Variants in LRMDA observed in about 807,000 individuals in gnomAD.
The protein encoded by LRMDA is leucine rich melanocyte differentiation associated.
A neutral mutation model predicts 29.8 loss-of-function variants in LRMDA; 18 were observed. That is an observed-to-expected ratio of 0.60 (90% CI 0.42 to 0.90). The LOEUF (loss-of-function observed/expected upper bound fraction) is 0.90, where lower values mean the gene tolerates loss of function less well. Ranked by LOEUF, LRMDA falls within the 40% of genes least tolerant of loss-of-function variation. The pLI, the probability that LRMDA is intolerant of heterozygous loss-of-function variation, is 0.00. For synonymous variants in LRMDA, 125 were observed against 109.4 expected (o/e 1.14, Z -0.89); for missense variants, 273 against 273.9 (o/e 1.00, Z 0.02).
At chr10:76,451,535 A>G (rs1842406643) in intron 6 of LRMDA, among the ~76,000 whole-genome samples, 1 of 150,662 alleles carries the variant, frequency 6.6e-6, no homozygotes. Context: ...ACTTTTATTG[A>G]CAGCTGGATA....
intron 6 of LRMDA, among the ~76,000 whole-genome samples, chr10:76,555,979 T>A (rs1843552266): frequency 6.6e-6 from 1 of 152,164 alleles, no homozygotes; most frequent in Non-Finnish European, 1.5e-5. Context: ...TCTGTCCAAC[T>A]GAATTTAAAA....
chr10:75,441,717 A>G (rs928688544), intron 2 of LRMDA, among the ~76,000 whole-genome samples: 3 of 152,166 alleles, frequency 2.0e-5, no homozygotes. Context: ...TATATATAAA[A>G]AAATTAACCC....
chr10:76,399,283 G>GA (rs1393834286), intron 6 of LRMDA, among the ~76,000 whole-genome samples: 1 of 152,136 alleles, frequency 6.6e-6, no homozygotes, highest in Admixed American at 6.5e-5. Context: ...TCTGTCTCTG[G>GA]AAAAATCCTG....
chr10:76,252,548 T>C (rs1208814649), intron 5 of LRMDA, among the ~76,000 whole-genome samples: 1 of 152,228 alleles, frequency 6.6e-6, no homozygotes, highest in Non-Finnish European at 1.5e-5. Context: ...AAGAGACATA[T>C]TCAAGAGCAA....
At chr10:75,839,585 C>T (rs1844499047) in intron 2 of LRMDA, among the ~76,000 whole-genome samples, 1 of 151,204 alleles carries the variant, frequency 6.6e-6, no homozygotes, top group African/African-American at 2.4e-5. Flanking sequence ...CTCTAACTGC[C>T]TCATCACTCT....
intron 2 of LRMDA, among the ~76,000 whole-genome samples, chr10:76,004,129 A>G (rs746726876): frequency 1.3e-5 from 2 of 152,280 alleles, no homozygotes; most frequent in African/African-American, 2.4e-5. Context: ...AGTTCACACC[A>G]TAAGTTACTA....
intron 2 of LRMDA, among the ~76,000 whole-genome samples, chr10:75,792,002 G>A (rs1382351476): frequency 2.0e-5 from 3 of 151,812 alleles, no homozygotes; most frequent in Middle Eastern, 3.4e-3. Flanking sequence ...TGGGACTGCA[G>A]GTGCCCGCCA....
At chr10:75,819,611 C>T (rs1564576805) in intron 2 of LRMDA, among the ~76,000 whole-genome samples, 1 of 152,140 alleles carries the variant, frequency 6.6e-6, no homozygotes, top group African/African-American at 2.4e-5. Flanking sequence ...AATTTTCATA[C>T]TCCAGTGAAA....
intron 2 of LRMDA, among the ~76,000 whole-genome samples, chr10:75,607,496 G>T (rs550012586): frequency 2.6e-5 from 4 of 152,132 alleles, no homozygotes; most frequent in African/African-American, 7.2e-5. Context: ...ATTGATACAG[G>T]TGATAATTTT....
intron 6 of LRMDA, among the ~76,000 whole-genome samples, chr10:76,437,014 GC>G (rs1178624741): frequency 6.6e-6 from 1 of 152,118 alleles, no homozygotes; most frequent in Non-Finnish European, 1.5e-5. Flanking sequence ...GGTGTGCAGA[GC>G]TTTTGGTTCC....
intron 2 of LRMDA, among the ~76,000 whole-genome samples, chr10:75,916,164 A>ATGTGTGTGTGTG (rs34666507): frequency 2.3e-4 from 29 of 124,414 alleles, no homozygotes; most frequent in South Asian, 4.8e-4. Context: ...TGCCAGGCCT[A>ATGTGTGTGTGTG]TGTGTGTGTG....
At chr10:75,938,908 A>G (rs1002614237) in intron 2 of LRMDA, among the ~76,000 whole-genome samples, 3 of 152,322 alleles carry the variant, frequency 2.0e-5, no homozygotes, top group African/African-American at 7.2e-5. Context: ...ACAAGAAGCA[A>G]TCCTAACAAA....
At chr10:75,539,109 T>A (rs1184401417) in intron 2 of LRMDA, among the ~76,000 whole-genome samples, 1 of 152,210 alleles carries the variant, frequency 6.6e-6, no homozygotes, top group Non-Finnish European at 1.5e-5. Flanking sequence ...AGGACTTGTG[T>A]CCAACAATGT....
intron 6 of LRMDA, among the ~76,000 whole-genome samples, chr10:76,542,095 G>T (rs1843364413): frequency 1.3e-5 from 2 of 151,892 alleles, no homozygotes; most frequent in African/African-American, 4.8e-5. Context: ...AGGCATGAGT[G>T]AGGCCTCCCC....
chr10:75,891,026 A>G (rs1378017187), intron 2 of LRMDA, among the ~76,000 whole-genome samples: 1 of 152,002 alleles, frequency 6.6e-6, no homozygotes, highest in Non-Finnish European at 1.5e-5. Flanking sequence ...ATTGCCTTGA[A>G]CTGGGGAGGC....
intron 5 of LRMDA, among the ~76,000 whole-genome samples, chr10:76,069,815 C>G (rs2132067240): frequency 6.6e-6 from 1 of 152,184 alleles, no homozygotes; most frequent in East Asian, 1.9e-4. Context: ...ACAGCCTTTA[C>G]TTTTGTTCTT....
At chr10:76,263,574 T>C (rs976450319) in intron 5 of LRMDA, among the ~76,000 whole-genome samples, 3 of 152,178 alleles carry the variant, frequency 2.0e-5, no homozygotes, top group Admixed American at 2.0e-4. Context: ...AGTTACGAAG[T>C]TTTGTCCCCT....
intron 2 of LRMDA, among the ~76,000 whole-genome samples, chr10:75,564,417 T>C (rs1245693121): frequency 6.6e-6 from 1 of 152,174 alleles, no homozygotes; most frequent in African/African-American, 2.4e-5. Flanking sequence ...AGTGACCCAA[T>C]TTTCCAGGTG....
intron 5 of LRMDA, among the ~76,000 whole-genome samples, chr10:76,219,285 G>GGAC (rs1018465154): frequency 1.3e-5 from 2 of 151,808 alleles, no homozygotes; most frequent in African/African-American, 2.4e-5. Flanking sequence ...AAATGTAAAT[G>GGAC]GACTAAATGC....
Sources: gnomAD v4.1 joint callset for allele counts (sites outside exome capture counted in the v4.1 genomes callset) on GRCh38, gnomAD v4.1.1 for gene constraint, MANE v1.5 for transcripts, NCBI Gene and HGNC (gene_info 2026-07-23, HGNC 2026-07-21) for gene names.